The following CCDC126 variants were observed in gnomAD, a reference collection of about 807,000 sequenced individuals.
CCDC126 encodes the protein coiled-coil domain-containing protein 126.
A neutral mutation model predicts 11.7 loss-of-function variants in CCDC126; 5 were observed. The ratio of observed to expected loss-of-function variants is 0.43; its 90% CI spans 0.22 to 0.90. The LOEUF (loss-of-function observed/expected upper bound fraction) is 0.90. Among genes scored for constraint, CCDC126 ranks in the 40% least tolerant of loss-of-function variants. The pLI is 0.27. For missense variants in CCDC126, 150 were observed against 163.1 expected, an observed-to-expected ratio of 0.92 and a Z score of 0.44; for synonymous variants, 60 against 61.9, an observed-to-expected ratio of 0.97 and a Z score of 0.14.
At chr7:23,642,685 C>T (rs1298239999) in intron 3 of CCDC126, among the ~76,000 whole-genome samples, 7 of 151,808 alleles carry the variant, frequency 4.6e-5, no homozygotes, top group Non-Finnish European at 5.9e-5. Context: ...ATCGCTGGAA[C>T]CCAGGAGGTG....
intron 3 of CCDC126, among the ~76,000 whole-genome samples, chr7:23,631,417 C>A (rs1289789799): frequency 6.6e-6 from 1 of 152,060 alleles, no homozygotes. Flanking sequence ...TCTCAAAAAA[C>A]AAATTGCCGC....
rs78045872 is a variant in CCDC126, at chr7:23,642,350, G to A, written c.239-581G>A. On this transcript the variant is annotated intron_variant, in intron 3 of 3. Transcript: ENST00000307471. ...TCAAGGTAAATGAGTTACTCACAGC[G>A]GGACTAACATTTTGAACCAGACTTT... Among the ~76,000 whole-genome samples, 842 of 152,184 alleles carry A rather than the reference G, an allele frequency of 5.5e-3. 9 individuals are homozygous for A. Among genetic ancestry groups the A allele is most frequent in the African/African-American group, 0.02 (822 of 41,520 alleles).
chr7:23,607,066 T>C (rs1782636127), intron 2 of CCDC126, among the ~76,000 whole-genome samples: 1 of 152,170 alleles, frequency 6.6e-6, no homozygotes, highest in East Asian at 1.9e-4. Context: ...GCTACTGTAC[T>C]GCAAGCCGGG....
intron 3 of CCDC126, among the ~76,000 whole-genome samples, chr7:23,629,091 C>T (rs984369180): frequency 6.6e-6 from 1 of 152,146 alleles, no homozygotes; most frequent in African/African-American, 2.4e-5. Flanking sequence ...ATCACTTATA[C>T]CAAGAACCAG....
At chr7:23,606,663 A>G (rs1782628496) in intron 2 of CCDC126, among the ~76,000 whole-genome samples, 1 of 152,150 alleles carries the variant, frequency 6.6e-6, no homozygotes, top group Non-Finnish European at 1.5e-5. Flanking sequence ...TGCCATATAG[A>G]CTAATTACTT....
chr7:23,600,289 C>T (rs1294721047), intron 2 of CCDC126, among the ~76,000 whole-genome samples: 1 of 151,150 alleles, frequency 6.6e-6, no homozygotes, highest in East Asian at 1.9e-4. Context: ...CGTATCTTAG[C>T]TGGAATTTTA....
intron 3 of CCDC126, among the ~76,000 whole-genome samples, chr7:23,625,649 A>ATTTTTTTTTTTTT: frequency 2.6e-5 from 2 of 77,140 alleles, no homozygotes; most frequent in Admixed American, 1.9e-4. Context: ...TATTTGACTG[A>ATTTTTTTTTTTTT]TTTTTTTTTT....
At chr7:23,631,804 C>A (rs59030480) in intron 3 of CCDC126, among the ~76,000 whole-genome samples, 10,380 of 151,660 alleles carry the variant, frequency 0.068, 1,030 homozygotes, top group African/African-American at 0.22. Flanking sequence ...AGTCCCCCCC[C>A]ACCCTGAAAA....
chr7:23,620,746 A>T (rs1584204481), intron 3 of CCDC126, among the ~76,000 whole-genome samples: 6 of 151,720 alleles, frequency 4.0e-5, no homozygotes, highest in South Asian at 2.1e-4. Context: ...ATCTTGAATT[A>T]ATTTTTGTAT....
chr7:23,629,989 C>G (rs554285110), intron 3 of CCDC126, among the ~76,000 whole-genome samples: 8 of 152,036 alleles, frequency 5.3e-5, no homozygotes, highest in Non-Finnish European at 7.4e-5. Flanking sequence ...AAACCCCAAT[C>G]GGGATAAACC....
At chr7:23,604,949 G>A (rs557919897) in intron 2 of CCDC126, among the ~76,000 whole-genome samples, 1 of 148,086 alleles carries the variant, frequency 6.8e-6, no homozygotes, top group East Asian at 2.0e-4. Flanking sequence ...AGTGAGCCGA[G>A]ATTGAGCCAC....
intron 3 of CCDC126, among the ~76,000 whole-genome samples, chr7:23,627,124 C>T (rs548267566): frequency 6.6e-6 from 1 of 152,348 alleles, no homozygotes; most frequent in Admixed American, 6.5e-5. Context: ...TCTCCAGCAA[C>T]ACCAGTCCTT....
At chr7:23,622,544 A>C (rs1782932541) in intron 3 of CCDC126, 1 of 528,810 alleles carries the variant, frequency 1.9e-6, no homozygotes, top group Non-Finnish European at 3.9e-6. Flanking sequence ...TCTGTATGCC[A>C]GGTGTATCCC....
rs1283206034 is a variant in CCDC126, at chr7:23,643,024, G to A, written c.332G>A (p.Gly111Asp). Residue 111 changes from glycine to aspartate, a missense_variant, in exon 4 of 4, where the codon GGC becomes GAC. Coordinates refer to ENST00000307471, the MANE Select transcript of CCDC126 (RefSeq NM_138771.4). Reference sequence around the variant, plus strand: ...AAAGTTGACTATATTGTTGTGAATGGCTCAGCAGCCAACACCACCAATGGT... The same window carrying A: ...AAAGTTGACTATATTGTTGTGAATGACTCAGCAGCCAACACCACCAATGGT... ...ENKVDYIVVN[G>D]SAANTTNGTS... 3 of 1,613,998 alleles carry A rather than the reference G, an allele frequency of 1.9e-6. No individual in the cohort carries two copies. In the African/African-American group the frequency reaches 4.0e-5, roughly 22 times the overall value.
intron 3 of CCDC126, chr7:23,622,684 A>G (rs1028816726): frequency 1.9e-6 from 1 of 531,904 alleles, no homozygotes; most frequent in Non-Finnish European, 3.8e-6. Context: ...ATGACTGCTT[A>G]GTACAGAGAG....
intron 3 of CCDC126, among the ~76,000 whole-genome samples, chr7:23,614,833 G>A (rs1782770822): frequency 6.6e-6 from 1 of 152,142 alleles, no homozygotes; most frequent in African/African-American, 2.4e-5. Flanking sequence ...GTCTTAGTGG[G>A]CTTAAAATGT....
chr7:23,600,200 A>G (rs1782512225), intron 2 of CCDC126, among the ~76,000 whole-genome samples: 1 of 152,098 alleles, frequency 6.6e-6, no homozygotes, highest in Non-Finnish European at 1.5e-5. Flanking sequence ...TTTTTGTAAT[A>G]TTCAGTGCTA....
At chr7:23,640,880 A>T (rs181042579) in intron 3 of CCDC126, among the ~76,000 whole-genome samples, 322 of 151,120 alleles carry the variant, frequency 2.1e-3, no homozygotes, top group Middle Eastern at 0.01. Context: ...CATTTTGTTT[A>T]TCTGTTTATC....
intron 3 of CCDC126, among the ~76,000 whole-genome samples, chr7:23,640,342 A>G (rs1783331922): frequency 2.7e-5 from 4 of 149,338 alleles, no homozygotes; most frequent in Admixed American, 2.7e-4. Context: ...TACTAAAAAT[A>G]CAAAATTAGC....
Sources: gnomAD v4.1 joint callset for allele counts (sites outside exome capture counted in the v4.1 genomes callset) on GRCh38, gnomAD v4.1.1 for gene constraint, MANE v1.5 for transcripts, NCBI Gene and HGNC (gene_info 2026-07-23, HGNC 2026-07-21) for gene names.